Variants in ZCCHC7 observed in about 807,000 individuals in gnomAD.
The protein encoded by ZCCHC7 is zinc finger CCHC domain-containing protein 7.
ZCCHC7 carries 35 observed loss-of-function variants against 52.0 expected under a neutral mutation model. The ratio of observed to expected loss-of-function variants is 0.67; its 90% CI spans 0.51 to 0.89. The LOEUF (loss-of-function observed/expected upper bound fraction) is 0.89, where lower values mean the gene tolerates loss of function less well. Among genes scored for constraint, ZCCHC7 ranks in the 40% least tolerant of loss-of-function variants. The pLI is 0.00. For synonymous variants in ZCCHC7, 217 were observed against 221.5 expected (o/e 0.98, Z 0.18); for missense variants, 574 against 649.1 (o/e 0.88, Z 1.26).
chr9:37,161,546 G>T (rs1037212442), intron 2 of ZCCHC7, among the ~76,000 whole-genome samples: 15 of 152,036 alleles, frequency 9.9e-5, no homozygotes, highest in African/African-American at 3.6e-4. Context: ...CTGCACTCCA[G>T]CCTGAGGGAC....
intron 2 of ZCCHC7, among the ~76,000 whole-genome samples, chr9:37,247,529 T>A (rs1826130762): frequency 6.6e-6 from 1 of 152,184 alleles, no homozygotes; most frequent in Non-Finnish European, 1.5e-5. Flanking sequence ...AGTACCAGAA[T>A]GTTGTACTGT....
chr9:37,153,898 T>C (rs1234068924), intron 2 of ZCCHC7, among the ~76,000 whole-genome samples: 6 of 152,126 alleles, frequency 3.9e-5, no homozygotes, highest in Admixed American at 1.3e-4. Context: ...GTAATTTTTG[T>C]TTGCTTTTGG....
At chr9:37,227,420 C>T (rs1409644366) in intron 2 of ZCCHC7, among the ~76,000 whole-genome samples, 2 of 152,110 alleles carry the variant, frequency 1.3e-5, no homozygotes, top group East Asian at 1.9e-4. Flanking sequence ...TGCTCTTGTC[C>T]ACTAGAATAG....
In ZCCHC7 at chr9:37,357,672, CTTT is replaced by C. The variant is rs201395017; in HGVS notation, c.*421_*423del. 0.055 allele frequency: 7,501 copies of C among 136,462 alleles called. 603 individuals carry two copies. The highest frequency in any genetic ancestry group is 0.18 in the African/African-American group (7,003 of 38,100). 8.5% of individuals were successfully genotyped at this position (136,462 alleles called of 1,614,324 possible). On this transcript the variant is annotated 3_prime_UTR_variant, in exon 9 of 9. Coordinates refer to ENST00000336755, the MANE Select transcript of ZCCHC7 (RefSeq NM_032226.3). ...AGAAAAAGTCATCAATATTTTTCAA[CTTT>C]TTTTTTTTTTTTTTTTACTTTGGAA...
At chr9:37,154,243 T>G (rs1356036051) in intron 2 of ZCCHC7, among the ~76,000 whole-genome samples, 1 of 152,138 alleles carries the variant, frequency 6.6e-6, no homozygotes, top group Non-Finnish European at 1.5e-5. Flanking sequence ...CTTCTTTCCT[T>G]CTTTATTACC....
At chr9:37,336,855 A>G (rs2118380866) in intron 6 of ZCCHC7, among the ~76,000 whole-genome samples, 1 of 152,110 alleles carries the variant, frequency 6.6e-6, no homozygotes, top group South Asian at 2.1e-4. Context: ...TCCTGCATCA[A>G]AGCTTGTGGT....
chr9:37,136,803 T>G (rs559391790), intron 2 of ZCCHC7, among the ~76,000 whole-genome samples: 32 of 152,104 alleles, frequency 2.1e-4, no homozygotes, highest in African/African-American at 7.5e-4. Context: ...TTTGTGTTGT[T>G]TTGTTTTGTA....
At chr9:37,210,629 C>T (rs936709946) in intron 2 of ZCCHC7, among the ~76,000 whole-genome samples, 1 of 152,154 alleles carries the variant, frequency 6.6e-6, no homozygotes, top group Admixed American at 6.5e-5. Context: ...ACTATTTAAC[C>T]AGCATCTAAG....
intron 5 of ZCCHC7, among the ~76,000 whole-genome samples, chr9:37,324,085 CTTTA>C (rs1434031213): frequency 6.6e-6 from 1 of 152,120 alleles, no homozygotes; most frequent in Non-Finnish European, 1.5e-5. Flanking sequence ...TCTCTTTATT[CTTTA>C]TTTATGTTAT....
intron 2 of ZCCHC7, among the ~76,000 whole-genome samples, chr9:37,225,398 A>G (rs1167940026): frequency 2.0e-5 from 3 of 152,228 alleles, no homozygotes; most frequent in Non-Finnish European, 4.4e-5. Context: ...CCAATTCTTT[A>G]CAAACTCTTC....
intron 2 of ZCCHC7, among the ~76,000 whole-genome samples, chr9:37,152,574 A>G (rs533055055): frequency 1.3e-5 from 2 of 152,016 alleles, no homozygotes; most frequent in South Asian, 4.2e-4. Context: ...GTCAGTTTTG[A>G]GGAATGTTAG....
rs1821759502 is a variant in ZCCHC7, at chr9:37,357,178, G to T, written c.1542G>T (p.Lys514Asn). 4 of 1,613,388 alleles carry T rather than the reference G, an allele frequency of 2.5e-6. No individual in the cohort carries two copies. In the Admixed American group the frequency reaches 6.7e-5, roughly 27 times the overall value. ...AAGACAAGTCTCCCAAGGAAGGCAA[G>T]AGGGGCAAGCAGAAGAAAAAGGAGA... ...SREDKSPKEG[K>N]RGKQKKKERC... The change falls in exon 9 of 9, where the codon AAG (lysine) becomes AAT (asparagine). Residue 514 changes from lysine (K) to asparagine (N), a missense_variant. Around this residue, in one of 3 missense-constraint regions of ZCCHC7, gnomAD observed 168 missense variants for 171.6 expected, o/e 0.98. Coordinates refer to ENST00000336755, the MANE Select transcript of ZCCHC7 (RefSeq NM_032226.3).
intron 5 of ZCCHC7, among the ~76,000 whole-genome samples, chr9:37,316,579 C>T (rs557527922): frequency 1.3e-5 from 2 of 152,044 alleles, no homozygotes; most frequent in East Asian, 1.9e-4. Flanking sequence ...CCCGTCTCAG[C>T]GTCCCAAAGT....
chr9:37,237,189 T>C (rs1825691579), intron 2 of ZCCHC7, among the ~76,000 whole-genome samples: 1 of 152,208 alleles, frequency 6.6e-6, no homozygotes, highest in South Asian at 2.1e-4. Flanking sequence ...CCTTTTGCCC[T>C]TCAAAATGAA....
chr9:37,136,504 C>T (rs1843003130), intron 2 of ZCCHC7, among the ~76,000 whole-genome samples: 1 of 152,046 alleles, frequency 6.6e-6, no homozygotes, highest in Non-Finnish European at 1.5e-5. Flanking sequence ...CTCACCCAGG[C>T]AGGAGTACAG....
At chr9:37,311,456 C>T (rs552402537) in intron 5 of ZCCHC7, among the ~76,000 whole-genome samples, 3 of 150,444 alleles carry the variant, frequency 2.0e-5, no homozygotes, top group Non-Finnish European at 4.4e-5. Flanking sequence ...CTCACTCTGC[C>T]GCCCAGGGTG....
At chr9:37,162,594 G>T (rs1361325759) in intron 2 of ZCCHC7, among the ~76,000 whole-genome samples, 1 of 152,168 alleles carries the variant, frequency 6.6e-6, no homozygotes, top group Non-Finnish European at 1.5e-5. Context: ...ATTGATTGTG[G>T]TTATCCCACA....
upstream of ZCCHC7, chr9:37,120,461 G>T: frequency 2.5e-6 from 1 of 398,096 alleles, no homozygotes; most frequent in South Asian, 1.3e-4. Flanking sequence ...GCGGCAGGTG[G>T]GCGGGGACGG....
At chr9:37,127,124 G>A (rs1842575994) in intron 2 of ZCCHC7, among the ~76,000 whole-genome samples, 182 bp downstream of exon 2, 1 of 152,162 alleles carries the variant, frequency 6.6e-6, no homozygotes, top group South Asian at 2.1e-4. Flanking sequence ...TTGTCTGAAC[G>A]TCAGAAAGAG....
Sources: allele counts gnomAD v4.1 joint callset (sites outside exome capture counted in the v4.1 genomes callset), GRCh38; gene constraint gnomAD v4.1.1; regional missense constraint gnomAD v4.1.1; transcripts MANE v1.5; gene names NCBI Gene and HGNC (gene_info 2026-07-23, HGNC 2026-07-21).